FBXO34: variants seen among roughly 807,000 people sequenced by gnomAD.
FBXO34 encodes F-box only protein 34.
FBXO34 carries 12 observed loss-of-function variants against 24.5 expected under a neutral mutation model. The ratio of observed to expected loss-of-function variants is 0.49; its 90% CI spans 0.31 to 0.79. The LOEUF is 0.79. Among genes scored for constraint, FBXO34 ranks in the 30% least tolerant of loss-of-function variants. The pLI is 0.04. For missense variants in FBXO34, 823 were observed against 857.7 expected, an observed-to-expected ratio of 0.96 and a Z score of 0.51; for synonymous variants, 320 against 311.9, an observed-to-expected ratio of 1.03 and a Z score of -0.27.
intron 1 of FBXO34, among the ~76,000 whole-genome samples, chr14:55,301,084 C>T (rs1487587131): frequency 6.6e-6 from 1 of 152,172 alleles, no homozygotes; most frequent in African/African-American, 2.4e-5. Flanking sequence ...CTTGTTACTA[C>T]AGTGGACTAC....
At chr14:55,335,674 G>A (rs1042229501) in intron 1 of FBXO34, among the ~76,000 whole-genome samples, 14 of 152,112 alleles carry the variant, frequency 9.2e-5, no homozygotes, top group Admixed American at 6.5e-4. Flanking sequence ...CCAGTACTTA[G>A]TATATAAGAT....
At chr14:55,404,866 C>T in the FBXO34 span, among the ~76,000 whole-genome samples, 1 of 152,066 alleles carries the variant, frequency 6.6e-6, no homozygotes, top group Non-Finnish European at 1.5e-5. Context: ...GTAAGTCAGC[C>T]ACAACACCCC....
the FBXO34 span, chr14:55,429,039 T>G: frequency 1.1e-3 from 1,769 of 1,567,706 alleles, no homozygotes; most frequent in Non-Finnish European, 1.3e-3. Context: ...ACTGGTGTTG[T>G]ATTGGATTGT....
At chr14:55,382,610 C>T in the FBXO34 span, among the ~76,000 whole-genome samples, 1 of 152,170 alleles carries the variant, frequency 6.6e-6, no homozygotes, top group African/African-American at 2.4e-5. Flanking sequence ...CGTGACCAGC[C>T]AAAGTGCAAA....
At chr14:55,359,768 C>T (rs1884568695) in intron 3 of FBXO34, among the ~76,000 whole-genome samples, 1 of 152,122 alleles carries the variant, frequency 6.6e-6, no homozygotes, top group Non-Finnish European at 1.5e-5. Context: ...GTTGTCATTT[C>T]AATGATGTTT....
intron 1 of FBXO34, among the ~76,000 whole-genome samples, chr14:55,280,165 G>A (rs1881483821): frequency 6.6e-6 from 1 of 152,060 alleles, no homozygotes; most frequent in Non-Finnish European, 1.5e-5. Context: ...GTACATACAT[G>A]TATATATATC....
chr14:55,376,779 A>C, the FBXO34 span, among the ~76,000 whole-genome samples: 1 of 152,170 alleles, frequency 6.6e-6, no homozygotes, highest in Non-Finnish European at 1.5e-5. Context: ...ATATATAACC[A>C]TATCACATCT....
the FBXO34 span, among the ~76,000 whole-genome samples, chr14:55,426,925 G>A: frequency 6.7e-6 from 1 of 150,176 alleles, no homozygotes; most frequent in Non-Finnish European, 1.5e-5. Context: ...AGAAATGAAT[G>A]GACACTTGGG....
At chr14:55,273,722 A>C (rs1312158768) in intron 1 of FBXO34, among the ~76,000 whole-genome samples, 1 of 152,140 alleles carries the variant, frequency 6.6e-6, no homozygotes, top group Non-Finnish European at 1.5e-5. Context: ...AGGAGGTCCA[A>C]AATGGACGCT....
chr14:55,386,931 T>G, the FBXO34 span, among the ~76,000 whole-genome samples: 4 of 152,096 alleles, frequency 2.6e-5, no homozygotes, highest in African/African-American at 9.7e-5. Flanking sequence ...CAGGAAAATC[T>G]TCTCCAGTTT....
intron 1 of FBXO34, among the ~76,000 whole-genome samples, chr14:55,290,291 C>A (rs1881900936): frequency 6.6e-6 from 1 of 151,596 alleles, no homozygotes. Flanking sequence ...TACTTGGAGG[C>A]AGAGGCAGGA....
At chr14:55,372,066 T>C (rs560649017), downstream of FBXO34, among the ~76,000 whole-genome samples, 79 of 152,258 alleles carry the variant, frequency 5.2e-4, no homozygotes, top group Non-Finnish European at 1.0e-3. Flanking sequence ...AGAGCCATCT[T>C]TTCCGATTCC....
chr14:55,375,483 G>T, the FBXO34 span, among the ~76,000 whole-genome samples: 1 of 145,222 alleles, frequency 6.9e-6, no homozygotes, highest in Non-Finnish European at 1.5e-5. Context: ...TTACCACGCC[G>T]GGCTAAATTT....
chr14:55,340,216 C>T (rs999599994), intron 1 of FBXO34, among the ~76,000 whole-genome samples: 3 of 151,976 alleles, frequency 2.0e-5, no homozygotes, highest in African/African-American at 7.3e-5. Flanking sequence ...TTGCTTGGTG[C>T]ACTAATACTT....
chr14:55,410,170 G>C, the FBXO34 span, among the ~76,000 whole-genome samples: 6 of 152,162 alleles, frequency 3.9e-5, no homozygotes, highest in African/African-American at 1.2e-4. Context: ...GGAAAACAAG[G>C]AGTTCAGTTT....
downstream of FBXO34, among the ~76,000 whole-genome samples, chr14:55,363,023 CTTTT>C (rs398057110): frequency 8.3e-5 from 11 of 132,352 alleles, no homozygotes; most frequent in South Asian, 9.9e-4. Context: ...TTCTCTCTCT[CTTTT>C]TTTTTTTTTT....
intron 1 of FBXO34, among the ~76,000 whole-genome samples, chr14:55,344,993 A>G (rs1041257420): frequency 6.6e-6 from 1 of 152,170 alleles, no homozygotes; most frequent in Admixed American, 6.5e-5. Flanking sequence ...CGGCTAGGAC[A>G]TTTCTGATAA....
chr14:55,394,425 CT>C, the FBXO34 span, among the ~76,000 whole-genome samples: 35 of 152,172 alleles, frequency 2.3e-4, no homozygotes, highest in African/African-American at 6.3e-4. Context: ...TATTTTAATT[CT>C]TTTTTAAAGT....
downstream of FBXO34, among the ~76,000 whole-genome samples, chr14:55,357,931 C>T (rs1347806070): frequency 6.6e-6 from 1 of 152,188 alleles, no homozygotes; most frequent in Non-Finnish European, 1.5e-5. Context: ...TGTATCTGTT[C>T]CCTCTCCACT....
Sources: gnomAD v4.1 joint callset for allele counts (sites outside exome capture counted in the v4.1 genomes callset) on GRCh38, gnomAD v4.1.1 for gene constraint, MANE v1.5 for transcripts, NCBI Gene and HGNC (gene_info 2026-07-23, HGNC 2026-07-21) for gene names.